KHDRBS3: variants seen among roughly 807,000 people sequenced by gnomAD.
KHDRBS3 encodes KH RNA binding domain containing, signal transduction associated 3, also known as KH domain-containing, RNA-binding, signal transduction-associated protein 3.
A neutral mutation model predicts 45.6 loss-of-function variants in KHDRBS3; 23 were observed. The ratio of observed to expected loss-of-function variants is 0.50; its 90% CI spans 0.36 to 0.72. The LOEUF (loss-of-function observed/expected upper bound fraction) is 0.72, where lower values mean the gene tolerates loss of function less well. Among genes scored for constraint, KHDRBS3 ranks in the 30% least tolerant of loss-of-function variants. The pLI is 0.00. For synonymous variants in KHDRBS3, 162 were observed against 156.5 expected, an observed-to-expected ratio of 1.04 and a Z score of -0.26; for missense variants, 352 against 424.8, an observed-to-expected ratio of 0.83 and a Z score of 1.51.
At chr8:135,591,935 G>T (rs1425935387) in intron 6 of KHDRBS3, among the ~76,000 whole-genome samples, 1 of 152,160 alleles carries the variant, frequency 6.6e-6, no homozygotes, top group African/African-American at 2.4e-5. Flanking sequence ...TTTCCATAGT[G>T]AGAAATTTAA....
At chr8:135,471,664 G>A (rs1204202671) in intron 1 of KHDRBS3, among the ~76,000 whole-genome samples, 4 of 152,138 alleles carry the variant, frequency 2.6e-5, no homozygotes, top group East Asian at 3.9e-4. Context: ...TGGTAGAAAC[G>A]TCCTGGGCTC....
intron 7 of KHDRBS3, among the ~76,000 whole-genome samples, chr8:135,640,212 G>T (rs1563826096): frequency 6.6e-6 from 1 of 152,100 alleles, no homozygotes; most frequent in Non-Finnish European, 1.5e-5. Context: ...GCAACGTAGT[G>T]ATTTAGAGCT....
At chr8:135,625,575 C>T in intron 7 of KHDRBS3, 1 of 949,430 alleles carries the variant, frequency 1.1e-6, no homozygotes, top group African/African-American at 1.6e-5. Context: ...GAGGGAGCCA[C>T]TGCAGTTTCT....
chr8:135,494,050 C>A (rs989798764), intron 1 of KHDRBS3, among the ~76,000 whole-genome samples: 2 of 152,030 alleles, frequency 1.3e-5, no homozygotes, highest in African/African-American at 4.8e-5. Context: ...TAATAATATT[C>A]TCTGATTCTT....
intron 1 of KHDRBS3, among the ~76,000 whole-genome samples, chr8:135,520,040 G>A (rs759527945): frequency 1.3e-5 from 2 of 152,164 alleles, no homozygotes; most frequent in Non-Finnish European, 2.9e-5. Context: ...ACAAATCTGA[G>A]GGTAAATCTT....
intron 7 of KHDRBS3, among the ~76,000 whole-genome samples, chr8:135,634,544 T>A (rs1188747280): frequency 1.3e-5 from 2 of 152,250 alleles, no homozygotes; most frequent in Non-Finnish European, 2.9e-5. Flanking sequence ...AAATTATTTA[T>A]TTGAAACTTA....
chr8:135,554,469 C>T (rs978704824), intron 4 of KHDRBS3, among the ~76,000 whole-genome samples: 3 of 152,076 alleles, frequency 2.0e-5, no homozygotes, highest in African/African-American at 7.2e-5. Flanking sequence ...CACACATTTT[C>T]AGTAAAATGG....
chr8:135,592,433 A>G (rs1828788301), intron 6 of KHDRBS3, among the ~76,000 whole-genome samples: 2 of 152,220 alleles, frequency 1.3e-5, no homozygotes, highest in Admixed American at 1.3e-4. Context: ...GATGTAACAT[A>G]TCCCTCAGGT....
chr8:135,481,240 A>G (rs199715453), intron 1 of KHDRBS3, among the ~76,000 whole-genome samples: 1 of 125,752 alleles, frequency 8.0e-6, no homozygotes, highest in African/African-American at 4.3e-5. Flanking sequence ...ATATATATAT[A>G]TATATATATA....
intron 5 of KHDRBS3, among the ~76,000 whole-genome samples, chr8:135,571,124 A>T (rs1827681887): frequency 6.6e-6 from 1 of 152,184 alleles, no homozygotes; most frequent in Non-Finnish European, 1.5e-5. Context: ...CTCAGCCAGC[A>T]CTTTTACATG....
At chr8:135,476,224 A>G (rs1280994189) in intron 1 of KHDRBS3, among the ~76,000 whole-genome samples, 1 of 151,834 alleles carries the variant, frequency 6.6e-6, no homozygotes, top group Non-Finnish European at 1.5e-5. Context: ...GCTCACTGCA[A>G]CCTCTGCCTC....
intron 2 of KHDRBS3, among the ~76,000 whole-genome samples, chr8:135,521,991 G>T (rs939972574): frequency 6.6e-6 from 1 of 151,938 alleles, no homozygotes; most frequent in African/African-American, 2.4e-5. Context: ...GGATACATGT[G>T]CAGGACGTGC....
chr8:135,607,659 C>T (rs1829526320), intron 7 of KHDRBS3, among the ~76,000 whole-genome samples: 1 of 152,020 alleles, frequency 6.6e-6, no homozygotes, highest in Non-Finnish European at 1.5e-5. Flanking sequence ...GAATGTTTTC[C>T]TAAATATGTG....
chr8:135,595,799 C>A (rs777606931), intron 6 of KHDRBS3, among the ~76,000 whole-genome samples: 1 of 152,148 alleles, frequency 6.6e-6, no homozygotes, highest in Non-Finnish European at 1.5e-5. Context: ...TGAACGCTCA[C>A]CCTGTGCCAG....
intron 7 of KHDRBS3, among the ~76,000 whole-genome samples, chr8:135,637,695 TTGTA>T (rs1329302207): frequency 1.3e-5 from 2 of 152,174 alleles, no homozygotes; most frequent in African/African-American, 2.4e-5. Flanking sequence ...GTCCCAGTGT[TTGTA>T]TGAGCCATTC....
At chr8:135,509,470 A>C (rs1586632710) in intron 1 of KHDRBS3, among the ~76,000 whole-genome samples, 1 of 152,312 alleles carries the variant, frequency 6.6e-6, no homozygotes, top group East Asian at 1.9e-4. Context: ...AACTTGTTAG[A>C]TTCCTTCTAC....
chr8:135,537,653 G>T (rs1263689897), intron 2 of KHDRBS3, among the ~76,000 whole-genome samples: 1 of 152,130 alleles, frequency 6.6e-6, no homozygotes, highest in Non-Finnish European at 1.5e-5. Context: ...ATGGGACTTT[G>T]GATGGTTTGT....
chr8:135,652,037 G>A (rs545056043), downstream of KHDRBS3, among the ~76,000 whole-genome samples: 1 of 152,228 alleles, frequency 6.6e-6, no homozygotes, highest in South Asian at 2.1e-4. Flanking sequence ...GAAAATATGA[G>A]ACATTTTATA....
At chr8:135,482,725 T>C (rs1398474974) in intron 1 of KHDRBS3, among the ~76,000 whole-genome samples, 1 of 152,158 alleles carries the variant, frequency 6.6e-6, no homozygotes, top group Non-Finnish European at 1.5e-5. Flanking sequence ...TAAAATGGGC[T>C]CTGCAGCTAT....
Sources: allele counts gnomAD v4.1 joint callset (sites outside exome capture counted in the v4.1 genomes callset), GRCh38; gene constraint gnomAD v4.1.1; transcripts MANE v1.5; gene names NCBI Gene and HGNC (gene_info 2026-07-23, HGNC 2026-07-21).